HSPG2: variants seen among roughly 807,000 people sequenced by gnomAD.
HSPG2 encodes the protein heparan sulfate proteoglycan 2.
HSPG2 carries 278 observed loss-of-function variants against 526.6 expected under a neutral mutation model. That is an observed-to-expected ratio of 0.53 (90% CI 0.48 to 0.58). The LOEUF (loss-of-function observed/expected upper bound fraction) is 0.58, where lower values mean the gene tolerates loss of function less well. Ranked by LOEUF, HSPG2 falls within the 20% of genes least tolerant of loss-of-function variation. HSPG2 has a pLI of 0.00. For missense variants in HSPG2, 5,354 were observed against 6,099.5 expected (o/e 0.88, Z 4.07); for synonymous variants, 2,465 against 2,555.4 (o/e 0.96, Z 1.07).
rs150129885 is a variant in HSPG2 at position 21,854,758 on chromosome 1, A to T, written c.6141T>A (p.Asp2047Glu). 5 of 1,613,524 alleles carry T rather than the reference A, an allele frequency of 3.1e-6. No individual in the cohort carries two copies. In the African/African-American group the frequency reaches 6.7e-5, roughly 22 times the overall value. ...CAATCTTGACCGGCGGTGGGCTGGC[A>T]TCTGAGGCTGGGGCCAGAGTAGGGG... ...RIQVVVLSAS[D>E]ASPPPVKIES... Residue 2047 changes from aspartate (D) to glutamate (E), a missense_variant, in exon 49 of 97, where the codon GAT becomes GAA. Asp to Glu is a conservative substitution (Grantham distance 45). Coordinates refer to ENST00000374695, the MANE Select transcript of HSPG2 (RefSeq NM_005529.7).
intron 6 of HSPG2, among the ~76,000 whole-genome samples, chr1:21,888,471 CTT>C (rs1048249685): frequency 3.3e-5 from 5 of 152,166 alleles, no homozygotes; most frequent in African/African-American, 1.2e-4. Context: ...TTTTTTCTCT[CTT>C]CTTTTTTATT....
rs143335934 is a variant in HSPG2 at position 21,836,139 on chromosome 1, T to C, written c.10356-502A>G. On this transcript the variant is annotated intron_variant, in intron 75 of 96. Coordinates refer to ENST00000374695, the MANE Select transcript of HSPG2 (RefSeq NM_005529.7). ...ACACTCATTTTAGACAAAGACCTTA[T>C]GGTCTAGGGCTCAAGATTACACAGT... Among the ~76,000 whole-genome samples the C allele has an allele frequency of 9.2e-3, 1,393 of 152,226 alleles. 8 individuals carry two copies. Among genetic ancestry groups the C allele is most frequent in the Middle Eastern group, 0.027 (8 of 294 alleles).
intron 1 of HSPG2, among the ~76,000 whole-genome samples, chr1:21,921,821 G>A (rs2152798496): frequency 6.6e-6 from 1 of 152,310 alleles, no homozygotes; most frequent in South Asian, 2.1e-4. Flanking sequence ...GTCCAGGAAG[G>A]CTCAACCTGC....
At position 21,844,886 on chromosome 1, in the gene HSPG2, G is replaced by A. The variant is rs560028361; in HGVS notation, c.8465-587C>T. Among the ~76,000 whole-genome samples, 145 of 152,300 alleles carry A rather than the reference G, an allele frequency of 9.5e-4. 1 individual carries two copies. The highest frequency in any genetic ancestry group is 2.3e-3 in the South Asian group (11 of 4,826). On this transcript the variant is annotated intron_variant, in intron 64 of 96. Coordinates refer to ENST00000374695, the MANE Select transcript of HSPG2 (RefSeq NM_005529.7). ...TCTGTGTCCCCTTATCATGATTTCT[G>A]CATAGCATGTGCCCCCTGTGCTATT... is the stretch of plus-strand genomic sequence containing the variant.
chr1:21,896,336 G>C, intron 1 of HSPG2, 26 bp from the exon 2 acceptor site: 1 of 1,609,672 alleles, frequency 6.2e-7, no homozygotes, highest in Admixed American at 1.7e-5. Flanking sequence ...AGCTGATTGA[G>C]TCACTCTCTC....
At position 21,890,078 on chromosome 1, in the gene HSPG2, A is replaced by T; in HGVS notation, c.477T>A (p.Ala159=). 4 of 1,613,948 alleles carry T rather than the reference A, an allele frequency of 2.5e-6. No homozygotes were observed. The highest frequency in any genetic ancestry group is 3.4e-6 in the Non-Finnish European group (4 of 1,179,882). Residue 159 remains alanine, a synonymous_variant, in exon 6 of 97, where the codon GCT becomes GCA. Coordinates refer to ENST00000374695, the MANE Select transcript of HSPG2 (RefSeq NM_005529.7). The surrounding 1 kb of genome is among the most constrained non-coding windows in gnomAD (Gnocchi z 4.1). ...CCCTGAGCAGCATCTCCTGAATCTG[A>T]GCCCCATCCGCATTCCCTTCCGAGC... The part of the protein sequence containing the change: ...DVGSEGNADG[A]QIQEMLLRVI...
rs1356364514 is a variant in HSPG2, at chr1:21,839,328, C to A, written c.9889+43G>T. ...TGGGGTGGAGCCTAGTCGGGGGGCT[C>A]AGATCTCCATTTGGTGCAGACAAAG... On this transcript the variant is annotated intron_variant, in intron 73 of 96. Transcript: ENST00000374695. The surrounding 1 kb of genome is among the most constrained non-coding windows in gnomAD (Gnocchi z 4.5). The A allele has an allele frequency of 6.9e-6, 11 of 1,598,580 alleles. No homozygotes were observed. The East Asian group carries it at 2.5e-4, about 36-fold the overall frequency.
In HSPG2 at chr1:21,824,441, G is replaced by T; in HGVS notation, c.12745-65C>A. 6.2e-7 allele frequency: 1 copy of T among 1,603,120 alleles called. No homozygotes were observed. ...GAGAGCAGAGGCTGCCGAGGCCAGG[G>T]GGCTCTGCTTTCCCCTCCCCCCACC... On this transcript the variant is annotated intron_variant, in intron 93 of 96. Coordinates refer to ENST00000374695, the MANE Select transcript of HSPG2 (RefSeq NM_005529.7). The surrounding 1 kb of genome is among the most constrained non-coding windows in gnomAD (Gnocchi z 5.9).
In HSPG2 at chr1:21,887,131, G is replaced by GGGCGTGGCAGGAGTGGAA. The variant is rs1641955871; in HGVS notation, c.1078+83_1078+84insTTCCACTCCTGCCACGCC. On this transcript the variant is annotated intron_variant, in intron 9 of 96. Transcript: ENST00000374695. This position sits in a 1 kb window ranked among gnomAD's most constrained non-coding sequence, Gnocchi z 5.0. ...GGGGGAAAGCGGAGGGGCAGGGTAGGGGCGGGGCAGGAGTGGAAGGCGGGG... is the reference window on the plus strand; with the variant it reads ...GGGGGAAAGCGGAGGGGCAGGGTAGGGGCGTGGCAGGAGTGGAAGGCGGGGCAGGAGTGGAAGGCGGGG... 7.0e-7 allele frequency: 1 copy of GGGCGTGGCAGGAGTGGAA among 1,428,280 alleles called. No homozygotes were observed. The allele number at this position is 1,428,280 out of a possible 1,614,324, so 88.5% of individuals were successfully genotyped here.
chr1:21,833,715 G>C, intron 78 of HSPG2, 101 bp from the exon 79 acceptor site: 4 of 1,572,202 alleles, frequency 2.5e-6, no homozygotes, highest in Non-Finnish European at 3.5e-6. Flanking sequence ...TTGAGCGTTT[G>C]CTCTTGGCCA....
chr1:21,894,597 TG>T (rs1642612175), intron 3 of HSPG2, among the ~76,000 whole-genome samples: 1 of 152,118 alleles, frequency 6.6e-6, no homozygotes, highest in Admixed American at 6.5e-5. Context: ...CTTCCCCCTC[TG>T]GCCTCGTCTG....
rs1415007256 is a variant in HSPG2 at position 21,873,963 on chromosome 1, A to C, written c.3705T>G (p.Asp1235Glu). The C allele has an allele frequency of 1.2e-6, 2 of 1,606,340 alleles. No homozygotes were observed. Among genetic ancestry groups the C allele is most frequent in the Admixed American group, 3.4e-5 (2 of 59,162 alleles). ...GCCCACTGTGGCCTGGGGAGCACGC[A>C]TCACAGGTGGGGTGGCCGTCTGTGT... ...FLDTDGHPTC[D>E]ACSPGHSGRH... Residue 1235 changes from aspartate (D) to glutamate (E), a missense_variant, in exon 29 of 97, where the codon GAT becomes GAG. Coordinates refer to ENST00000374695, the MANE Select transcript of HSPG2 (RefSeq NM_005529.7).
chr1:21,868,507 C>T lies in HSPG2; in HGVS notation c.4222-2698G>A, dbSNP rs375202006. On this transcript the variant is annotated intron_variant, in intron 33 of 96. Coordinates refer to ENST00000374695, the MANE Select transcript of HSPG2 (RefSeq NM_005529.7). ...GAGCTCTGGGAGGCCAGGGCCCACT[C>T]GGCCTGTACACGACGCAGCACACAG... Among the ~76,000 whole-genome samples the T allele has an allele frequency of 3.8e-4, 58 of 152,300 alleles. 1 individual carries two copies. The South Asian group carries it at 0.011, about 29-fold the overall frequency.
At position 21,847,304 on chromosome 1, in the gene HSPG2, C is replaced by G. The variant is rs1358216865; in HGVS notation, c.8164+50G>C. On this transcript the variant is annotated intron_variant, in intron 62 of 96. Coordinates refer to ENST00000374695, the MANE Select transcript of HSPG2 (RefSeq NM_005529.7). The surrounding 1 kb of genome is among the most constrained non-coding windows in gnomAD (Gnocchi z 4.1). Reference sequence around the variant, plus strand: ...CTCTGACCTGAAAGTTCCTTCTCCCCAGGGAACACTGTTGCCTGCATCCCT... The same window carrying G: ...CTCTGACCTGAAAGTTCCTTCTCCCGAGGGAACACTGTTGCCTGCATCCCT... 1 of 1,610,110 alleles carries G rather than the reference C, an allele frequency of 6.2e-7. No individual in the cohort carries two copies. The highest frequency in any genetic ancestry group is 1.7e-5 in the Admixed American group (1 of 59,990).
rs1263761330 is a variant in HSPG2 at position 21,879,123 on chromosome 1, T to C, written c.2344-2A>G. ...CCCCTCCGTGTTGTGCTGGCAATTC[T>C]AGAAGAAGGAGGAGGGTATGGCTCA... is the stretch of plus-strand genomic sequence containing the variant. On this transcript the variant is annotated splice_acceptor_variant, in intron 17 of 96. Transcript: ENST00000374695. LOFTEE classifies it high-confidence loss of function. The C allele has an allele frequency of 6.2e-7, 1 of 1,614,238 alleles. No individual in the cohort carries two copies. Among genetic ancestry groups the C allele is most frequent in the Non-Finnish European group, 8.5e-7 (1 of 1,180,036 alleles).
chr1:21,924,149 G>C (rs1644121176), intron 1 of HSPG2, among the ~76,000 whole-genome samples: 1 of 152,096 alleles, frequency 6.6e-6, no homozygotes, highest in South Asian at 2.1e-4. Flanking sequence ...CCAGAGCCTG[G>C]CACTTGGGAG....
chr1:21,841,920 C>A, intron 69 of HSPG2, 82 bp downstream of exon 69: 1 of 1,573,396 alleles, frequency 6.4e-7, no homozygotes. Flanking sequence ...GTCCAGACTT[C>A]TGCCCCACCC....
In HSPG2 at chr1:21,824,470, C is replaced by G; in HGVS notation, c.12744+67G>C. 1.9e-6 allele frequency: 3 copies of G among 1,605,030 alleles called. No individual in the cohort carries two copies. Among genetic ancestry groups the G allele is most frequent in the Non-Finnish European group, 2.6e-6 (3 of 1,174,148 alleles). On this transcript the variant is annotated intron_variant, in intron 93 of 96. Coordinates refer to ENST00000374695, the MANE Select transcript of HSPG2 (RefSeq NM_005529.7). The surrounding 1 kb of genome is among the most constrained non-coding windows in gnomAD (Gnocchi z 5.9). The stretch of plus-strand genomic sequence containing the variant: ...TCTGCTTTCCCCTCCCCCCACCACT[C>G]CGGCCACCAGGAAGCCAGCTTCCTG...
At position 21,937,209 on chromosome 1, in the gene HSPG2, C is replaced by G. The variant is rs1208982829; in HGVS notation, c.9G>C (p.Trp3Cys). 4 of 1,070,164 alleles carry G rather than the reference C, an allele frequency of 3.7e-6. No homozygotes were observed. The South Asian group carries it at 8.0e-5, about 22-fold the overall frequency. The allele number at this position is 1,070,164 out of a possible 1,614,324, so 66.3% of individuals were successfully genotyped here. The change falls in exon 1 of 97, where the codon TGG becomes TGC. Residue 3 changes from tryptophan to cysteine, a missense_variant. Trp to Cys is a radical substitution (Grantham distance 215, BLOSUM62 -2). Coordinates refer to ENST00000374695, the MANE Select transcript of HSPG2 (RefSeq NM_005529.7). ...CCAGCAGCAGCGCGCCCGCCGCCCG[C>G]CACCCCATGGCCCGGCCCGCGCCGC... Reference protein sequence around the residue: MGWRAAGALLLAL... With the variant: MGCRAAGALLLAL...
Sources: gnomAD v4.1 joint callset for allele counts (sites outside exome capture counted in the v4.1 genomes callset) on GRCh38, gnomAD v4.1.1 for gene constraint, Gnocchi (gnomAD v3.1) non-coding constraint, MANE v1.5 for transcripts, NCBI Gene and HGNC (gene_info 2026-07-23, HGNC 2026-07-21) for gene names.